The following CLIP2 variants were observed in gnomAD, a reference collection of about 807,000 sequenced individuals.
The protein encoded by CLIP2 is CAP-Gly domain containing linker protein 2.
In CLIP2, 41 loss-of-function variants were observed where a neutral mutation model predicts 111.7. The observed-to-expected ratio is 0.37, with a 90% CI of 0.29 to 0.48. CLIP2 has a LOEUF of 0.48. Ranked by LOEUF, CLIP2 falls within the 20% of genes least tolerant of loss-of-function variation. The probability of loss-of-function intolerance (pLI) is 0.99; values close to 1 mark genes in which losing one functional copy is unlikely to be tolerated. For missense variants in CLIP2, 1,160 were observed against 1,422.1 expected, an observed-to-expected ratio of 0.82 and a Z score of 2.96; for synonymous variants, 660 against 644.2, an observed-to-expected ratio of 1.02 and a Z score of -0.37.
In CLIP2 at chr7:74,356,509, C is replaced by G. The variant is rs781904319; in HGVS notation, c.903C>G (p.Thr301=). 6.2e-7 allele frequency: 1 copy of G among 1,614,186 alleles called. No homozygotes were observed. Among genetic ancestry groups the G allele is most frequent in the South Asian group, 1.1e-5 (1 of 91,084 alleles). Reference sequence around the variant, plus strand: ...CCAGCCCAGCCAAGGCCAAGAAGACCAAGCGTATGGCCATGGGTGTGTCAG... The same window carrying G: ...CCAGCCCAGCCAAGGCCAAGAAGACGAAGCGTATGGCCATGGGTGTGTCAG... ...PSTSPAKAKK[T]KRMAMGVSAL... The change falls in exon 5 of 17, where the codon ACC becomes ACG. Residue 301 remains threonine, a synonymous_variant. Transcript: ENST00000223398.
At chr7:74,325,733 G>A (rs1272331874) in intron 2 of CLIP2, among the ~76,000 whole-genome samples, 2 of 151,958 alleles carry the variant, frequency 1.3e-5, no homozygotes, top group Non-Finnish European at 2.9e-5. Context: ...TTGGGAGGCT[G>A]AGGCAGGAGA....
rs151062454 is a variant in CLIP2 at position 74,340,293 on chromosome 7, A to G, written c.678+1289A>G. On this transcript the variant is annotated intron_variant, in intron 3 of 16. Coordinates refer to ENST00000223398, the MANE Select transcript of CLIP2 (RefSeq NM_003388.5). ...TGCCTATAATCCCAGCTACTTGGGA[A>G]GCTGAGGCAGGAGAATCACTTGAAC... is the stretch of plus-strand genomic sequence containing the variant. Among the ~76,000 whole-genome samples, 1,339 of 150,648 alleles carry G rather than the reference A, an allele frequency of 8.9e-3. 22 individuals are homozygous for G. Among genetic ancestry groups the G allele is most frequent in the African/African-American group, 0.031 (1,263 of 40,922 alleles).
chr7:74,380,953 T>C, intron 11 of CLIP2, 90 bp downstream of exon 11: 1 of 1,276,650 alleles, frequency 7.8e-7, no homozygotes, highest in Non-Finnish European at 1.1e-6. Context: ...TTGGTTTGCA[T>C]CATCTGCCAT....
intron 2 of CLIP2, among the ~76,000 whole-genome samples, chr7:74,321,763 T>C (rs1181239648): frequency 1.3e-5 from 2 of 151,704 alleles, no homozygotes; most frequent in South Asian, 2.1e-4. Flanking sequence ...CCACCGCGCC[T>C]GGCCTTTATT....
chr7:74,289,431 G>GCCGCTGGCTCCGCTGGCTCCGCTGGCT lies in CLIP2; in HGVS notation c.-366_-340dup, dbSNP rs547619427. On this transcript the variant is annotated 5_prime_UTR_variant, in exon 1 of 17. Transcript: ENST00000223398. ...CCCTTTTGTTCCCTCCCGGAGCCGG[G>GCCGCTGGCTCCGCTGGCTCCGCTGGCT]CCGCTGGCTCCGCTGGCTCCGCTGG... 1.3e-5 allele frequency: 2 copies of GCCGCTGGCTCCGCTGGCTCCGCTGGCT among 150,930 alleles called. No homozygotes were observed. The highest frequency in any genetic ancestry group is 2.4e-5 in the African/African-American group (1 of 41,374). 9.3% of individuals were successfully genotyped at this position (150,930 alleles called of 1,614,324 possible). A position where few individuals can be genotyped will look rare whatever the true frequency, so the allele number is the denominator to read the frequency against.
At chr7:74,342,622 G>A (rs1393530403) in intron 3 of CLIP2, among the ~76,000 whole-genome samples, 1 of 152,020 alleles carries the variant, frequency 6.6e-6, no homozygotes, top group Admixed American at 6.6e-5. Flanking sequence ...GGAGGCAAGA[G>A]TGGAGCAGGG....
chr7:74,399,925 C>T (rs1791571936), intron 14 of CLIP2, among the ~76,000 whole-genome samples: 5 of 151,252 alleles, frequency 3.3e-5, no homozygotes, highest in Admixed American at 3.3e-4. Context: ...GAAGCCGAGG[C>T]GGGTGGATCA....
At chr7:74,395,325 A>T (rs1554316509) in intron 13 of CLIP2, among the ~76,000 whole-genome samples, 1 of 152,004 alleles carries the variant, frequency 6.6e-6, no homozygotes, top group Non-Finnish European at 1.5e-5. Context: ...ACGCCCAGCT[A>T]ATTTTGTATT....
chr7:74,358,575 T>A (rs1738882585), intron 6 of CLIP2, among the ~76,000 whole-genome samples: 1 of 152,076 alleles, frequency 6.6e-6, no homozygotes, highest in South Asian at 2.1e-4. Flanking sequence ...ATTCTTTTTT[T>A]TTTTTATTTT....
chr7:74,392,450 T>C (rs1444511889), intron 13 of CLIP2, among the ~76,000 whole-genome samples: 2 of 151,922 alleles, frequency 1.3e-5, no homozygotes, highest in African/African-American at 4.8e-5. Context: ...GTAGGATTAC[T>C]TGGGCCCAGG....
rs371019999 is a variant in CLIP2, at chr7:74,317,699, G to A, written c.121+32G>A. 7.4e-4 allele frequency: 1,037 copies of A among 1,406,932 alleles called. 2 individuals are homozygous for A. Among genetic ancestry groups the A allele is most frequent in the Non-Finnish European group, 9.2e-4 (985 of 1,073,966 alleles). 87.2% of individuals were successfully genotyped at this position (1,406,932 alleles called of 1,614,324 possible). A position where few individuals can be genotyped will look rare whatever the true frequency, so the allele number is the denominator to read the frequency against. On this transcript the variant is annotated intron_variant, in intron 2 of 16. Transcript: ENST00000223398. ...GGCACACCAAGGATGGGGGGTGAGG[G>A]GACTGGCTACATGGGATGAGTGTTC...
Position 74,301,472 on chromosome 7 carries a change from T to C in CLIP2, c.-68+11738T>C, listed in dbSNP as rs191153000. Among the ~76,000 whole-genome samples the C allele has an allele frequency of 3.1e-3, 476 of 151,788 alleles. 1 individual carries two copies. Among genetic ancestry groups the C allele is most frequent in the Middle Eastern group, 0.01 (3 of 292 alleles). ...ATCTCGGCTCACTGCAACCTCCACC[T>C]CCAGGGTTCAAGTGATTCTCCTGCC... On this transcript the variant is annotated intron_variant, in intron 1 of 16. Coordinates refer to ENST00000223398, the MANE Select transcript of CLIP2 (RefSeq NM_003388.5).
intron 1 of CLIP2, among the ~76,000 whole-genome samples, chr7:74,292,679 C>T (rs1240057913): frequency 2.6e-5 from 4 of 152,154 alleles, no homozygotes; most frequent in African/African-American, 4.8e-5. Context: ...TGAGCCACCA[C>T]GCCTGGCCTG....
rs553004209 is a variant in CLIP2, at chr7:74,347,547, C to T, written c.679-6333C>T. ...CCTCCCAAAGTGCTGGGATTACAGG[C>T]GTGAGCCACCGCGTCCGGCCAAACG... On this transcript the variant is annotated intron_variant, in intron 3 of 16. Coordinates refer to ENST00000223398, the MANE Select transcript of CLIP2 (RefSeq NM_003388.5). 2.9e-3 allele frequency among the ~76,000 whole-genome samples: 442 copies of T among 152,214 alleles called. 1 individual carries two copies. Among genetic ancestry groups the T allele is most frequent in the Non-Finnish European group, 2.2e-3 (150 of 68,022 alleles).
intron 3 of CLIP2, among the ~76,000 whole-genome samples, chr7:74,349,302 G>C (rs917720969): frequency 1.3e-5 from 2 of 150,630 alleles, no homozygotes; most frequent in South Asian, 2.1e-4. Flanking sequence ...GTGGTGGCAC[G>C]TGCCTGTAAT....
At chr7:74,335,758 T>G (rs1334666305) in intron 2 of CLIP2, among the ~76,000 whole-genome samples, 1 of 151,220 alleles carries the variant, frequency 6.6e-6, no homozygotes, top group African/African-American at 2.4e-5. Context: ...TTTCTTTTTT[T>G]TTTTGATGGA....
chr7:74,361,337 C>T (rs1247671139), intron 7 of CLIP2, among the ~76,000 whole-genome samples: 2 of 151,780 alleles, frequency 1.3e-5, no homozygotes, highest in African/African-American at 4.8e-5. Flanking sequence ...CCTCCCTCAG[C>T]CTCCCGAGTA....
At chr7:74,361,176 T>TTTCTTTCCTTCCTTCCTTCCTTCCTTCC (rs782530912) in intron 7 of CLIP2, among the ~76,000 whole-genome samples, 3 of 62,016 alleles carry the variant, frequency 4.8e-5, no homozygotes, top group Non-Finnish European at 1.0e-4. Context: ...CCCTCCCTTC[T>TTTCTTTCCTTCCTTCCTTCCTTCCTTCC]TTCCTTCCTT....
At chr7:74,318,834 C>T (rs1178381093) in intron 2 of CLIP2, among the ~76,000 whole-genome samples, 1 of 152,182 alleles carries the variant, frequency 6.6e-6, no homozygotes, top group African/African-American at 2.4e-5. Flanking sequence ...CACTGCCCAT[C>T]TTATCTGATT....
Sources: gnomAD v4.1 joint callset for allele counts (sites outside exome capture counted in the v4.1 genomes callset) on GRCh38, gnomAD v4.1.1 for gene constraint, MANE v1.5 for transcripts, NCBI Gene and HGNC (gene_info 2026-07-23, HGNC 2026-07-21) for gene names.